Variants in NDRG3 observed in about 807,000 individuals in gnomAD.
NDRG3 encodes protein NDRG3.
In NDRG3, 23 loss-of-function variants were observed where a neutral mutation model predicts 57.2. The ratio of observed to expected loss-of-function variants is 0.40; its 90% CI spans 0.29 to 0.57. The LOEUF is 0.57. Ranked by LOEUF, NDRG3 falls within the 20% of genes least tolerant of loss-of-function variation. The pLI, the probability that NDRG3 is intolerant of heterozygous loss-of-function variation, is 0.42. For synonymous variants in NDRG3, 132 were observed against 162.6 expected (o/e 0.81, Z 1.43); for missense variants, 384 against 457.3 (o/e 0.84, Z 1.46).
intron 13 of NDRG3, among the ~76,000 whole-genome samples, chr20:36,658,408 C>G (rs6028617): frequency 6.6e-6 from 1 of 152,148 alleles, no homozygotes; most frequent in African/African-American, 2.4e-5. Flanking sequence ...GCCACCATGC[C>G]CAGCCCCTCC....
chr20:36,739,935 G>A (rs1467205281), intron 1 of NDRG3, among the ~76,000 whole-genome samples: 6 of 142,288 alleles, frequency 4.2e-5, no homozygotes, highest in South Asian at 2.3e-4. Context: ...AAAAAAAACC[G>A]TAAACCTTAC....
intron 9 of NDRG3, among the ~76,000 whole-genome samples, chr20:36,669,336 T>C (rs1379097553): frequency 6.6e-6 from 1 of 151,868 alleles, no homozygotes; most frequent in Non-Finnish European, 1.5e-5. Flanking sequence ...TTCAAGCAAT[T>C]CTCCTGCCTC....
chr20:36,690,871 C>T (rs1273883726), intron 3 of NDRG3, among the ~76,000 whole-genome samples: 2 of 152,218 alleles, frequency 1.3e-5, no homozygotes, highest in African/African-American at 4.8e-5. Context: ...AGCTCAGGAA[C>T]TGAATAAAGC....
chr20:36,660,213 A>T (rs1979045921), intron 13 of NDRG3, 124 bp downstream of exon 13: 1 of 767,546 alleles, frequency 1.3e-6, no homozygotes, highest in Non-Finnish European at 2.1e-6. Flanking sequence ...GTCTCAAAGA[A>T]AAAGAAGAGA....
In NDRG3 at chr20:36,653,345, T is replaced by C. The variant is rs1978368152; in HGVS notation, c.*175A>G. 5 of 587,786 alleles carry C rather than the reference T, an allele frequency of 8.5e-6. No individual in the cohort carries two copies. In the Admixed American group the frequency reaches 1.2e-4, roughly 15 times the overall value. The allele number at this position is 587,786 out of a possible 1,614,324, so 36.4% of individuals were successfully genotyped here. A position where few individuals can be genotyped will look rare whatever the true frequency, so the allele number is the denominator to read the frequency against. On this transcript the variant is annotated 3_prime_UTR_variant, in exon 16 of 16. Coordinates refer to ENST00000349004, the MANE Select transcript of NDRG3 (RefSeq NM_032013.4). This position sits in a 1 kb window ranked among gnomAD's most constrained non-coding sequence, Gnocchi z 4.2. ...TGGCATGGAAGTGGTTCTTGGGCTA[T>C]ACAAAAAAGGGGGTGGGCAGGCAGA...
intron 1 of NDRG3, among the ~76,000 whole-genome samples, chr20:36,741,992 C>T (rs1421721240): frequency 4.6e-5 from 7 of 152,072 alleles, no homozygotes; most frequent in Admixed American, 4.6e-4. Flanking sequence ...TTTTATCAGC[C>T]CCGATTCAAA....
chr20:36,678,441 G>A (rs1274865914), intron 8 of NDRG3, among the ~76,000 whole-genome samples: 3 of 152,192 alleles, frequency 2.0e-5, no homozygotes, highest in Non-Finnish European at 4.4e-5. Flanking sequence ...CCAGCACTTC[G>A]GGAGGCTGAG....
Position 36,707,025 on chromosome 20 carries a change from A to G in NDRG3, c.58-18T>C. 1 of 1,612,928 alleles carries G rather than the reference A, an allele frequency of 6.2e-7. No individual in the cohort carries two copies. Among genetic ancestry groups the G allele is most frequent in the Non-Finnish European group, 8.5e-7 (1 of 1,179,078 alleles). ...GTACCATTCTGTCAACAGAAGACAG[A>G]AAACACAGTCAGTTTCCCCACATGG... is the stretch of plus-strand genomic sequence containing the variant. On this transcript the variant is annotated intron_variant, in intron 2 of 15. Transcript: ENST00000349004.
At chr20:36,698,943 G>A (rs1336326889) in intron 3 of NDRG3, among the ~76,000 whole-genome samples, 1 of 151,732 alleles carries the variant, frequency 6.6e-6, no homozygotes, top group African/African-American at 2.4e-5. Flanking sequence ...ATACATATAC[G>A]TACACATATA....
intron 13 of NDRG3, among the ~76,000 whole-genome samples, chr20:36,659,129 T>C (rs1454963086): frequency 6.6e-6 from 1 of 152,014 alleles, no homozygotes; most frequent in East Asian, 1.9e-4. Context: ...TCTTATTGTT[T>C]TTGTAGAGAC....
In NDRG3 at chr20:36,686,108, G is replaced by A. The variant is rs966034798; in HGVS notation, c.320+1384C>T. On this transcript the variant is annotated intron_variant, in intron 5 of 15. Transcript: ENST00000349004. ...GATCTGTTCTACATCTGACAGGGAA[G>A]TCAGCCTGCCTCTGCCTGAACACTT... is the stretch of plus-strand genomic sequence containing the variant. Among the ~76,000 whole-genome samples, 8 of 152,356 alleles carry A rather than the reference G, an allele frequency of 5.3e-5. No individual in the cohort carries two copies. The South Asian group carries it at 1.7e-3, about 32-fold the overall frequency.
intron 1 of NDRG3, among the ~76,000 whole-genome samples, chr20:36,722,588 T>C (rs1984659723): frequency 6.6e-6 from 1 of 151,982 alleles, no homozygotes; most frequent in South Asian, 2.1e-4. Context: ...GGGACAAAAA[T>C]TGAAGATTAT....
chr20:36,728,467 T>G (rs150203947), intron 1 of NDRG3, among the ~76,000 whole-genome samples: 1 of 152,220 alleles, frequency 6.6e-6, no homozygotes, highest in Non-Finnish European at 1.5e-5. Flanking sequence ...AAAGGACAGA[T>G]GGATAGACAG....
At chr20:36,691,913 T>G (rs866051104) in intron 3 of NDRG3, among the ~76,000 whole-genome samples, 1 of 152,102 alleles carries the variant, frequency 6.6e-6, no homozygotes, top group Admixed American at 6.6e-5. Context: ...GATAAAACAG[T>G]AAACCTGAGA....
intron 13 of NDRG3, among the ~76,000 whole-genome samples, chr20:36,657,030 C>T (rs1213950022): frequency 6.6e-6 from 1 of 152,182 alleles, no homozygotes; most frequent in Non-Finnish European, 1.5e-5. Flanking sequence ...CTGCTTTTCA[C>T]TTCATAAACA....
intron 15 of NDRG3, 50 bp downstream of exon 15, chr20:36,656,310 C>T: frequency 6.3e-7 from 1 of 1,575,840 alleles, no homozygotes; most frequent in East Asian, 2.2e-5. Context: ...GTGAAACTGG[C>T]TCCCAATATT....
At chr20:36,715,349 G>A (rs566566740) in intron 2 of NDRG3, among the ~76,000 whole-genome samples, 1 of 151,512 alleles carries the variant, frequency 6.6e-6, no homozygotes, top group Admixed American at 6.6e-5. Context: ...CCCGTCTAGA[G>A]CACTTCTGAC....
intron 1 of NDRG3, among the ~76,000 whole-genome samples, chr20:36,725,260 G>A (rs980148355): frequency 2.0e-5 from 3 of 151,842 alleles, no homozygotes; most frequent in South Asian, 2.1e-4. Context: ...TTGCGCCACC[G>A]CACTCCAGCC....
At chr20:36,684,572 G>A in intron 5 of NDRG3, 97 bp from the exon 6 acceptor site, 1 of 1,051,858 alleles carries the variant, frequency 9.5e-7, no homozygotes, top group Non-Finnish European at 1.5e-6. Flanking sequence ...ATAAAAGGCT[G>A]AGCGCAGTAG....
Sources: allele counts gnomAD v4.1 joint callset (sites outside exome capture counted in the v4.1 genomes callset), GRCh38; gene constraint gnomAD v4.1.1; non-coding constraint Gnocchi (gnomAD v3.1); transcripts MANE v1.5; gene names NCBI Gene and HGNC (gene_info 2026-07-23, HGNC 2026-07-21).